The following ARSG variants were observed in gnomAD, a reference collection of about 807,000 sequenced individuals.
ARSG encodes the protein arylsulfatase G.
Under a neutral mutation model 50.5 loss-of-function variants are expected in ARSG, and 37 were observed. That is an observed-to-expected ratio of 0.73 (90% CI 0.56 to 0.96). ARSG has a LOEUF of 0.96. Ranked by LOEUF, ARSG falls within the 50% of genes least tolerant of loss-of-function variation. The pLI is 0.00. For synonymous variants in ARSG, 225 were observed against 254.6 expected, an observed-to-expected ratio of 0.88 and a Z score of 1.11; for missense variants, 629 against 675.3, an observed-to-expected ratio of 0.93 and a Z score of 0.76.
At chr17:68,327,497 C>A (rs1555772893) in intron 2 of ARSG, among the ~76,000 whole-genome samples, 1 of 152,138 alleles carries the variant, frequency 6.6e-6, no homozygotes, top group African/African-American at 2.4e-5. Flanking sequence ...TTCATCTCTG[C>A]CTCTTCTTCA....
At chr17:68,350,196 A>G (rs978172650) in intron 4 of ARSG, among the ~76,000 whole-genome samples, 2 of 152,156 alleles carry the variant, frequency 1.3e-5, no homozygotes, top group Admixed American at 6.5e-5. Context: ...GAGGCCCCAA[A>G]GCATGAGGCT....
chr17:68,275,684 A>C (rs2075490866), intron 1 of ARSG, among the ~76,000 whole-genome samples: 1 of 152,138 alleles, frequency 6.6e-6, no homozygotes, highest in African/African-American at 2.4e-5. Context: ...CCACAATTTA[A>C]AAATGAAGTT....
intron 8 of ARSG, among the ~76,000 whole-genome samples, chr17:68,383,194 A>C (rs563812174): frequency 7.1e-4 from 108 of 152,374 alleles, no homozygotes; most frequent in African/African-American, 2.5e-3. Flanking sequence ...AACGAGAAGA[A>C]TCCCTAATTC....
intron 1 of ARSG, among the ~76,000 whole-genome samples, chr17:68,261,790 G>A (rs376708600): frequency 3.1e-4 from 47 of 152,290 alleles, no homozygotes; most frequent in African/African-American, 1.0e-3. Flanking sequence ...TCTCAGGGAA[G>A]GGAGTACCAA....
intron 1 of ARSG, among the ~76,000 whole-genome samples, chr17:68,292,479 T>C (rs1175002029): frequency 6.6e-6 from 1 of 152,176 alleles, no homozygotes; most frequent in Non-Finnish European, 1.5e-5. Context: ...AGCTTCTTGG[T>C]CTCTACCTCA....
At chr17:68,438,604 T>G in the ARSG span, among the ~76,000 whole-genome samples, 9 of 152,140 alleles carry the variant, frequency 5.9e-5, no homozygotes, top group African/African-American at 2.2e-4. Context: ...GCACATATGT[T>G]TTGCTTTGTT....
chr17:68,335,320 G>A (rs1036484406), intron 2 of ARSG, among the ~76,000 whole-genome samples: 3 of 152,080 alleles, frequency 2.0e-5, no homozygotes, highest in Non-Finnish European at 2.9e-5. Flanking sequence ...TTGGGAGGCC[G>A]AGACGGGTGG....
intron 11 of ARSG, among the ~76,000 whole-genome samples, chr17:68,402,227 G>A (rs1378127631): frequency 6.6e-6 from 1 of 151,652 alleles, no homozygotes; most frequent in African/African-American, 2.4e-5. Context: ...AGTTTTTTTT[G>A]TTGTTTGTTG....
At chr17:68,442,425 A>AC in the ARSG span, among the ~76,000 whole-genome samples, 1 of 146,490 alleles carries the variant, frequency 6.8e-6, no homozygotes, top group African/African-American at 2.5e-5. Context: ...AGATTGCACC[A>AC]CCTCACTCCA....
chr17:68,271,505 G>A lies in ARSG; in HGVS notation c.-552+12079G>A, dbSNP rs145765322. ...TCAAGCATATACTGCGCTTCTTTCC[G>A]ATTTTCCTGGATGACTATTTTCGGT... On this transcript the variant is annotated intron_variant, in intron 1 of 11. Transcript: ENST00000448504. This position sits in a 1 kb window ranked among gnomAD's most constrained non-coding sequence, Gnocchi z 5.3. 1.2e-5 allele frequency: 20 copies of A among 1,613,960 alleles called. No individual in the cohort carries two copies. In the African/African-American group the frequency reaches 1.9e-4, roughly 15 times the overall value.
At chr17:68,365,386 G>A (rs2079498390) in intron 6 of ARSG, among the ~76,000 whole-genome samples, 1 of 152,180 alleles carries the variant, frequency 6.6e-6, no homozygotes, top group African/African-American at 2.4e-5. Flanking sequence ...AACTTTGTTG[G>A]GGAGGTCTGA....
At chr17:68,309,201 C>T (rs1295779031) in intron 2 of ARSG, among the ~76,000 whole-genome samples, 3 of 152,228 alleles carry the variant, frequency 2.0e-5, no homozygotes, top group African/African-American at 7.2e-5. Context: ...CTGGCTGCTC[C>T]GAGTGCGGGG....
chr17:68,276,853 T>C (rs2075539798), intron 1 of ARSG, among the ~76,000 whole-genome samples: 1 of 152,208 alleles, frequency 6.6e-6, no homozygotes, highest in Non-Finnish European at 1.5e-5. Context: ...CTGGCATGTA[T>C]ATTCAATAGC....
chr17:68,297,391 G>A (rs1384712401), intron 1 of ARSG, among the ~76,000 whole-genome samples: 10 of 152,200 alleles, frequency 6.6e-5, no homozygotes, highest in African/African-American at 2.4e-4. Flanking sequence ...ATGGGATTGT[G>A]TAACAAGGAA....
At chr17:68,395,590 C>T (rs1458475447) in intron 10 of ARSG, among the ~76,000 whole-genome samples, 1 of 152,190 alleles carries the variant, frequency 6.6e-6, no homozygotes, top group African/African-American at 2.4e-5. Flanking sequence ...CCTCTTTCTA[C>T]CCCCAACCCC....
intron 1 of ARSG, chr17:68,273,811 G>T: frequency 7.7e-7 from 1 of 1,294,534 alleles, no homozygotes; most frequent in Non-Finnish European, 1.1e-6. Flanking sequence ...CACTGTTAAT[G>T]TTAAAGAAAA....
intron 2 of ARSG, among the ~76,000 whole-genome samples, chr17:68,331,643 T>C (rs1162160404): frequency 6.6e-6 from 1 of 152,202 alleles, no homozygotes; most frequent in East Asian, 1.9e-4. Flanking sequence ...ATTACAGGCA[T>C]GAGCCACTGT....
intron 1 of ARSG, among the ~76,000 whole-genome samples, chr17:68,284,794 TTAAAA>T (rs1225749877): frequency 6.6e-6 from 1 of 152,208 alleles, no homozygotes; most frequent in Non-Finnish European, 1.5e-5. Flanking sequence ...ATTTGGTTGA[TTAAAA>T]TAAGGCATAA....
At chr17:68,361,055 C>T (rs1016269020) in intron 6 of ARSG, among the ~76,000 whole-genome samples, 1 of 152,140 alleles carries the variant, frequency 6.6e-6, no homozygotes, top group Non-Finnish European at 1.5e-5. Context: ...GAACTCCCAA[C>T]CTCAGGTGAT....
Sources: gnomAD v4.1 joint callset for allele counts (sites outside exome capture counted in the v4.1 genomes callset) on GRCh38, gnomAD v4.1.1 for gene constraint, Gnocchi (gnomAD v3.1) non-coding constraint, MANE v1.5 for transcripts, NCBI Gene and HGNC (gene_info 2026-07-23, HGNC 2026-07-21) for gene names.